Variants in CDH13 observed in about 807,000 individuals in gnomAD.
CDH13 encodes cadherin-13.
CDH13 carries 24 observed loss-of-function variants against 63.8 expected under a neutral mutation model. The observed-to-expected ratio is 0.38, with a 90% CI of 0.27 to 0.53. CDH13 has a LOEUF of 0.53. Ranked by LOEUF, CDH13 falls within the 20% of genes least tolerant of loss-of-function variation. CDH13 has a pLI of 0.85. For missense variants in CDH13, 1,049 were observed against 903.1 expected (o/e 1.16, Z -2.07); for synonymous variants, 503 against 355.3 (o/e 1.42, Z -4.67).
intron 8 of CDH13, among the ~76,000 whole-genome samples, chr16:83,645,155 A>G (rs1427985029): frequency 2.0e-5 from 3 of 152,222 alleles, no homozygotes; most frequent in African/African-American, 7.2e-5. Context: ...CTAAGTGTAC[A>G]TCAACGATTG....
intron 2 of CDH13, among the ~76,000 whole-genome samples, chr16:82,867,270 A>C (rs954959722): frequency 1.3e-5 from 2 of 152,138 alleles, no homozygotes; most frequent in African/African-American, 4.8e-5. Context: ...TCTGTGGCCT[A>C]GTGTCTCTTA....
Position 83,080,688 on chromosome 16 carries a change from C to G in CDH13, c.367-44697C>G, listed in dbSNP as rs1055313315. Among the ~76,000 whole-genome samples, 3 of 151,984 alleles carry G rather than the reference C, an allele frequency of 2.0e-5. No individual in the cohort carries two copies. In the East Asian group the frequency reaches 5.8e-4, roughly 29 times the overall value. On this transcript the variant is annotated intron_variant, in intron 3 of 13. Coordinates refer to ENST00000567109, the MANE Select transcript of CDH13 (RefSeq NM_001257.5). Reference sequence around the variant, plus strand: ...GAAAAGTCTGCTTGTGTCTTACAGTCTTGATCAGAAACAAGTATATCCCTC... The same window carrying G: ...GAAAAGTCTGCTTGTGTCTTACAGTGTTGATCAGAAACAAGTATATCCCTC...
At chr16:82,850,517 G>C (rs1234529600) in intron 1 of CDH13, among the ~76,000 whole-genome samples, 2 of 152,164 alleles carry the variant, frequency 1.3e-5, no homozygotes, top group South Asian at 2.1e-4. Flanking sequence ...TTGTTGAAAA[G>C]ACAATAAAGG....
intron 1 of CDH13, among the ~76,000 whole-genome samples, chr16:82,834,216 A>G (rs2038667343): frequency 6.6e-6 from 1 of 152,200 alleles, no homozygotes; most frequent in African/African-American, 2.4e-5. Flanking sequence ...CATCTTTCAG[A>G]TGAATTTAAA....
rs190072081 is a variant in CDH13 at position 83,067,434 on chromosome 16, T to G, written c.366+35216T>G. On this transcript the variant is annotated intron_variant, in intron 3 of 13. Transcript: ENST00000567109. Reference sequence around the variant, plus strand: ...ATAGTTGGTTGTATCAAGGACTCAATGACAGCAAACAAGTAAAAGAACCCA... The same window carrying G: ...ATAGTTGGTTGTATCAAGGACTCAAGGACAGCAAACAAGTAAAAGAACCCA... Among the ~76,000 whole-genome samples the G allele has an allele frequency of 1.1e-4, 16 of 152,318 alleles. No individual in the cohort carries two copies. The East Asian group carries it at 1.9e-3, about 18-fold the overall frequency.
intron 5 of CDH13, among the ~76,000 whole-genome samples, chr16:83,243,604 T>C (rs564511911): frequency 2.0e-5 from 3 of 152,270 alleles, no homozygotes; most frequent in South Asian, 2.1e-4. Context: ...GGAGATTCAC[T>C]TGGCAATTTT....
At chr16:82,778,961 G>A (rs2035625587) in intron 1 of CDH13, among the ~76,000 whole-genome samples, 1 of 152,076 alleles carries the variant, frequency 6.6e-6, no homozygotes, top group Admixed American at 6.6e-5. Context: ...ATTAGCCCTG[G>A]AGCCTGCTGT....
intron 1 of CDH13, among the ~76,000 whole-genome samples, chr16:82,852,396 A>G (rs1322405272): frequency 6.6e-6 from 1 of 152,070 alleles, no homozygotes; most frequent in African/African-American, 2.4e-5. Flanking sequence ...GCAATGACTG[A>G]TTCTGGGCTC....
chr16:83,260,288 TA>T (rs1341571925), intron 5 of CDH13, among the ~76,000 whole-genome samples: 5 of 152,176 alleles, frequency 3.3e-5, no homozygotes, highest in African/African-American at 1.2e-4. Context: ...AAACCTGGTT[TA>T]AAAAATGCTG....
chr16:82,663,077 A>G (rs1201182005), intron 1 of CDH13, among the ~76,000 whole-genome samples: 1 of 152,366 alleles, frequency 6.6e-6, no homozygotes, highest in Middle Eastern at 3.4e-3. Context: ...TCCCCCTGCC[A>G]GGGCAAGAAA....
intron 5 of CDH13, among the ~76,000 whole-genome samples, chr16:83,310,491 A>T (rs1362169665): frequency 6.6e-6 from 1 of 152,194 alleles, no homozygotes; most frequent in Non-Finnish European, 1.5e-5. Flanking sequence ...AGAGGAGAAC[A>T]CTGAAGATTC....
At chr16:83,079,379 A>C (rs1033066634) in intron 3 of CDH13, among the ~76,000 whole-genome samples, 1 of 152,152 alleles carries the variant, frequency 6.6e-6, no homozygotes, top group Non-Finnish European at 1.5e-5. Context: ...CACAAAATCA[A>C]CCTCACTGTG....
intron 10 of CDH13, among the ~76,000 whole-genome samples, chr16:83,713,769 G>C (rs115377731): frequency 0.012 from 1,829 of 152,228 alleles, 44 homozygotes; most frequent in African/African-American, 0.042. Context: ...GTTAAGAGCA[G>C]ACACCAGCCA....
At chr16:82,772,843 C>G (rs1314710382) in intron 1 of CDH13, among the ~76,000 whole-genome samples, 1 of 152,168 alleles carries the variant, frequency 6.6e-6, no homozygotes, top group Non-Finnish European at 1.5e-5. Context: ...GATTGAATAA[C>G]TTTGACAGAA....
At chr16:83,104,527 G>C (rs1403730366) in intron 3 of CDH13, among the ~76,000 whole-genome samples, 1 of 150,418 alleles carries the variant, frequency 6.6e-6, no homozygotes, top group African/African-American at 2.4e-5. Context: ...GGCAACCCTA[G>C]TGTTTTAATT....
intron 5 of CDH13, among the ~76,000 whole-genome samples, chr16:83,315,422 T>A (rs1372494126): frequency 1.3e-5 from 2 of 152,204 alleles, no homozygotes; most frequent in African/African-American, 2.4e-5. Context: ...GTGTGCACAT[T>A]TAAACCTCAC....
intron 4 of CDH13, among the ~76,000 whole-genome samples, chr16:83,130,248 T>A (rs977281773): frequency 6.6e-6 from 1 of 152,220 alleles, no homozygotes; most frequent in African/African-American, 2.4e-5. Flanking sequence ...AGGATCATTT[T>A]CCAGCATGCC....
intron 11 of CDH13, among the ~76,000 whole-genome samples, chr16:83,774,964 G>A (rs933319819): frequency 2.0e-5 from 3 of 151,924 alleles, no homozygotes; most frequent in African/African-American, 7.2e-5. Context: ...TCACCACAAT[G>A]AAAAGAACAG....
chr16:82,714,147 A>T (rs866036742), intron 1 of CDH13, among the ~76,000 whole-genome samples: 8 of 152,262 alleles, frequency 5.3e-5, no homozygotes, highest in Middle Eastern at 3.4e-3. Flanking sequence ...TTCTCCCAGC[A>T]GCCACAGGAC....
Sources: allele counts gnomAD v4.1 joint callset (sites outside exome capture counted in the v4.1 genomes callset), GRCh38; gene constraint gnomAD v4.1.1; transcripts MANE v1.5; gene names NCBI Gene and HGNC (gene_info 2026-07-23, HGNC 2026-07-21).